The following SPOCK1 variants were observed in gnomAD, a reference collection of about 807,000 sequenced individuals.
SPOCK1 encodes testican-1.
Under a neutral mutation model 55.3 loss-of-function variants are expected in SPOCK1, and 23 were observed. The observed-to-expected ratio is 0.42, with a 90% CI of 0.30 to 0.59. The LOEUF is 0.59. Ranked by LOEUF, SPOCK1 falls within the 20% of genes least tolerant of loss-of-function variation. The pLI, the probability that SPOCK1 is intolerant of heterozygous loss-of-function variation, is 0.22. For synonymous variants in SPOCK1, 226 were observed against 221.0 expected (o/e 1.02, Z -0.20); for missense variants, 499 against 552.5 (o/e 0.90, Z 0.97).
rs1254290251 is a variant in SPOCK1 at position 137,236,898 on chromosome 5, T to C, written c.232+30112A>G. Among the ~76,000 whole-genome samples, 4 of 152,194 alleles carry C rather than the reference T, an allele frequency of 2.6e-5. No homozygotes were observed. In the East Asian group the frequency reaches 7.7e-4, roughly 29 times the overall value. ...ATTTCAGCAAACTATACTTGGTCAC[T>C]GGTAAACCCATAGCACCCTCACAGC... On this transcript the variant is annotated intron_variant, in intron 3 of 10. Transcript: ENST00000394945.
chr5:137,046,306 C>A (rs1245106262), intron 6 of SPOCK1, among the ~76,000 whole-genome samples: 1 of 126,652 alleles, frequency 7.9e-6, no homozygotes, highest in Admixed American at 8.2e-5. Context: ...TTGTTTGTGT[C>A]CTCTTTTATT....
chr5:137,347,525 G>C (rs1246366506), intron 2 of SPOCK1, among the ~76,000 whole-genome samples: 1 of 152,084 alleles, frequency 6.6e-6, no homozygotes, highest in Non-Finnish European at 1.5e-5. Flanking sequence ...TTCAAGACCA[G>C]CCTGGCCAAC....
intron 2 of SPOCK1, among the ~76,000 whole-genome samples, chr5:137,482,017 G>C (rs1753961265): frequency 6.6e-6 from 1 of 152,190 alleles, no homozygotes; most frequent in South Asian, 2.1e-4. Flanking sequence ...CCATGCCTAA[G>C]ACATCTGACC....
At chr5:137,405,678 C>G (rs1752083048) in intron 2 of SPOCK1, among the ~76,000 whole-genome samples, 1 of 152,176 alleles carries the variant, frequency 6.6e-6, no homozygotes, top group South Asian at 2.1e-4. Context: ...AACCCACCGA[C>G]AACATCGAAA....
intron 3 of SPOCK1, among the ~76,000 whole-genome samples, chr5:137,170,603 C>CTCTCTG (rs1373840616): frequency 1.3e-5 from 2 of 151,056 alleles, no homozygotes; most frequent in East Asian, 3.9e-4. Flanking sequence ...CTCTCTCTCT[C>CTCTCTG]TCTCTCTCTC....
At chr5:137,417,820 A>G (rs368082327) in intron 2 of SPOCK1, among the ~76,000 whole-genome samples, 3 of 151,868 alleles carry the variant, frequency 2.0e-5, no homozygotes, top group East Asian at 3.9e-4. Flanking sequence ...TTCTTTTATT[A>G]TACTTTAAGG....
At chr5:137,045,419 T>G (rs1481635927) in intron 6 of SPOCK1, among the ~76,000 whole-genome samples, 1 of 37,166 alleles carries the variant, frequency 2.7e-5, no homozygotes, top group African/African-American at 1.1e-4. Context: ...TTTTCATGTG[T>G]TTTTTGGCTG....
intron 2 of SPOCK1, among the ~76,000 whole-genome samples, chr5:137,440,225 T>C (rs2149831858): frequency 6.6e-6 from 1 of 152,290 alleles, no homozygotes; most frequent in South Asian, 2.1e-4. Flanking sequence ...TACATTTATG[T>C]ATTTGTGTAT....
intron 5 of SPOCK1, among the ~76,000 whole-genome samples, chr5:137,081,197 G>C (rs1204190715): frequency 2.0e-5 from 3 of 152,200 alleles, no homozygotes; most frequent in Non-Finnish European, 2.9e-5. Context: ...GCAGGCTCCT[G>C]AGCCTTAGTT....
intron 2 of SPOCK1, among the ~76,000 whole-genome samples, chr5:137,355,060 G>A (rs1580882164): frequency 6.6e-6 from 1 of 151,042 alleles, no homozygotes; most frequent in African/African-American, 2.4e-5. Context: ...GCACCACCAT[G>A]CCTGGCTAAT....
chr5:137,186,326 C>T (rs1755069097), intron 3 of SPOCK1, among the ~76,000 whole-genome samples: 1 of 152,194 alleles, frequency 6.6e-6, no homozygotes, highest in African/African-American at 2.4e-5. Context: ...CCACCCTTCC[C>T]TTTGCATAGG....
chr5:137,162,015 T>C (rs1041461381), intron 3 of SPOCK1, among the ~76,000 whole-genome samples: 1 of 152,226 alleles, frequency 6.6e-6, no homozygotes, highest in Non-Finnish European at 1.5e-5. Flanking sequence ...CTTTATATCT[T>C]TACTTTCAAG....
chr5:137,067,798 C>G lies in SPOCK1; in HGVS notation c.506G>C (p.Gly169Ala), dbSNP rs756841349. 1 of 1,614,046 alleles carries G rather than the reference C, an allele frequency of 6.2e-7. No individual in the cohort carries two copies. Among genetic ancestry groups the G allele is most frequent in the South Asian group, 1.1e-5 (1 of 91,078 alleles). ...CKLEFHACST[G>A]KSLATLCDGP... ...ATCACAGAGGGTGGCGAGGCTTTTG[C>G]CAGTAGAACAAGCATGGAACTCCAA... The change falls in exon 6 of 11, where the codon GGC (glycine) becomes GCC (alanine). Residue 169 changes from glycine (G) to alanine (A), a missense_variant. Gly to Ala is a moderately conservative substitution (Grantham distance 60, BLOSUM62 0). Around this residue, in one of 3 missense-constraint regions of SPOCK1, gnomAD observed 386 missense variants for 400.6 expected, o/e 0.96. Transcript: ENST00000394945.
chr5:137,191,393 A>G (rs987520596), intron 3 of SPOCK1, among the ~76,000 whole-genome samples: 1 of 151,382 alleles, frequency 6.6e-6, no homozygotes, highest in Non-Finnish European at 1.5e-5. Context: ...ACTGGTTTCC[A>G]GAGAAGGCCT....
At chr5:137,301,706 C>T (rs1304779192) in intron 2 of SPOCK1, among the ~76,000 whole-genome samples, 1 of 131,364 alleles carries the variant, frequency 7.6e-6, no homozygotes, top group Non-Finnish European at 1.5e-5. Context: ...GAAGGAAGAA[C>T]AATGACACAG....
intron 2 of SPOCK1, chr5:137,313,385 A>C: frequency 1.0e-6 from 1 of 984,402 alleles, no homozygotes; most frequent in Non-Finnish European, 1.2e-6. Flanking sequence ...GATTAAAGAG[A>C]AGAAAAGTAA....
intron 3 of SPOCK1, among the ~76,000 whole-genome samples, chr5:137,196,054 G>A (rs1036233103): frequency 1.6e-4 from 25 of 152,134 alleles, no homozygotes; most frequent in African/African-American, 5.6e-4. Flanking sequence ...TGTGCCCAGG[G>A]CAATGCGAAA....
At chr5:137,482,073 T>C (rs1753962085) in intron 2 of SPOCK1, among the ~76,000 whole-genome samples, 1 of 152,292 alleles carries the variant, frequency 6.6e-6, no homozygotes, top group African/African-American at 2.4e-5. Flanking sequence ...CAACCCATGC[T>C]GGATGTCGGG....
chr5:137,377,946 T>TTG (rs1751360054), intron 2 of SPOCK1, among the ~76,000 whole-genome samples: 1 of 147,192 alleles, frequency 6.8e-6, no homozygotes, highest in Non-Finnish European at 1.5e-5. Flanking sequence ...TTCTTCCTTT[T>TTG]TTTTTTTTTT....
Sources: allele counts gnomAD v4.1 joint callset (sites outside exome capture counted in the v4.1 genomes callset), GRCh38; gene constraint gnomAD v4.1.1; regional missense constraint gnomAD v4.1.1; transcripts MANE v1.5; gene names NCBI Gene and HGNC (gene_info 2026-07-23, HGNC 2026-07-21).